The following SYBU variants were observed in gnomAD, a reference collection of about 807,000 sequenced individuals.
The protein encoded by SYBU is syntabulin.
A neutral mutation model predicts 35.9 loss-of-function variants in SYBU; 21 were observed. That is an observed-to-expected ratio of 0.58 (90% CI 0.41 to 0.84). The LOEUF (loss-of-function observed/expected upper bound fraction) is 0.84, where lower values mean the gene tolerates loss of function less well. Among genes scored for constraint, SYBU ranks in the 40% least tolerant of loss-of-function variants. SYBU has a pLI of 0.00. For missense variants in SYBU, 768 were observed against 848.2 expected (o/e 0.91, Z 1.17); for synonymous variants, 319 against 324.3 (o/e 0.98, Z 0.18).
Position 109,618,405 on chromosome 8 carries a change from C to G in SYBU, c.427+437G>C, listed in dbSNP as rs140151963. On this transcript the variant is annotated intron_variant, in intron 3 of 6. Transcript: ENST00000276646. ...GACTATAACTAAGTTAGCAAGTATG[C>G]CCAGCTCTACATATTTGCATCAAGA... 1.1e-4 allele frequency among the ~76,000 whole-genome samples: 17 copies of G among 152,226 alleles called. No individual in the cohort carries two copies. The East Asian group carries it at 3.1e-3, about 28-fold the overall frequency.
chr8:109,642,921 T>C lies in SYBU; in HGVS notation c.36A>G (p.Arg12=). ...AAATCTCCTTGTCATGATGCTGCAC[T>C]CTGTGCTCCTTCTCAAAATTGGACA... ...GPLRESKKEH[R]VQHHDKEISR... The change falls in exon 2 of 7, where the codon AGA becomes AGG. Residue 12 remains arginine (R), a synonymous_variant. Transcript: ENST00000276646. 2 of 1,506,698 alleles carry C rather than the reference T, an allele frequency of 1.3e-6. No individual in the cohort carries two copies. The highest frequency in any genetic ancestry group is 2.6e-5 in the South Asian group (2 of 76,304). The allele number at this position is 1,506,698 out of a possible 1,614,324, so 93.3% of individuals were successfully genotyped here.
chr8:109,608,622 T>C (rs893639624), intron 3 of SYBU, among the ~76,000 whole-genome samples: 1 of 152,188 alleles, frequency 6.6e-6, no homozygotes, highest in Non-Finnish European at 1.5e-5. Flanking sequence ...TTAGTAAGCT[T>C]CCACCAAAGC....
intron 1 of SYBU, among the ~76,000 whole-genome samples, chr8:109,689,854 A>AAAAAAAAAC (rs1286570525): frequency 7.0e-6 from 1 of 143,400 alleles, no homozygotes; most frequent in African/African-American, 2.6e-5. Context: ...AAAAAAAAAA[A>AAAAAAAAAC]ACCATGACTA....
Position 109,579,906 on chromosome 8 carries a change from G to T in SYBU, c.627C>A (p.Cys209Ter). ...TATTGACAGGGCTCAGCTGATTCCTGCACAGCATGGACAGAAGGTCCTTTT... is the reference window on the plus strand; with the variant it reads ...TATTGACAGGGCTCAGCTGATTCCTTCACAGCATGGACAGAAGGTCCTTTT... ...PREKDLLSML[C>*]RNQLSPVNIH... is the part of the protein sequence containing the mutation. The change falls in exon 5 of 7, where the codon TGC (cysteine) becomes TGA (stop). Residue 209 changes from cysteine to a stop codon, truncating the protein, a stop_gained. Transcript: ENST00000276646. LOFTEE classifies it high-confidence loss of function. 1 of 1,614,030 alleles carries T rather than the reference G, an allele frequency of 6.2e-7. No individual in the cohort carries two copies. The highest frequency in any genetic ancestry group is 2.2e-5 in the East Asian group (1 of 44,846).
At chr8:109,642,658 T>C (rs1815041489) in intron 2 of SYBU, 70 bp downstream of exon 2, 2 of 1,072,196 alleles carry the variant, frequency 1.9e-6, no homozygotes, top group Non-Finnish European at 2.6e-6. Context: ...GGACCCAGTA[T>C]GGGCCCATTC....
chr8:109,648,227 A>G (rs1467645791), upstream of SYBU: 6 of 145,560 alleles, frequency 4.1e-5, no homozygotes, highest in Admixed American at 2.7e-4. Context: ...ACCTTGAAAT[A>G]TTATAAATAA....
At chr8:109,619,076 G>A (rs1250814327) in intron 2 of SYBU, 37 bp from the exon 3 acceptor site, 1 of 1,543,356 alleles carries the variant, frequency 6.5e-7, no homozygotes, top group Non-Finnish European at 8.9e-7. Flanking sequence ...TAATGATGAG[G>A]AGGAAATCAA....
intron 2 of SYBU, among the ~76,000 whole-genome samples, chr8:109,642,005 G>A (rs1044672451): frequency 1.3e-5 from 2 of 152,140 alleles, no homozygotes; most frequent in South Asian, 2.1e-4. Flanking sequence ...ACATGGACAC[G>A]TATGTTTATT....
At chr8:109,651,448 CTTTTTTTTTTTTT>C (rs535652540) in intron 1 of SYBU, among the ~76,000 whole-genome samples, 1,632 of 64,564 alleles carry the variant, frequency 0.025, 31 homozygotes, top group Middle Eastern at 0.12. Flanking sequence ...GAAATTGAGA[CTTTTTTTTTTTTT>C]TTTTTTTTTT....
At chr8:109,649,624 C>T (rs1586953086), upstream of SYBU, among the ~76,000 whole-genome samples, 3 of 152,298 alleles carry the variant, frequency 2.0e-5, no homozygotes, top group South Asian at 6.2e-4. Context: ...AGGGTCTAAT[C>T]CTCTGATGCC....
At chr8:109,690,625 C>T (rs1321295355) in intron 1 of SYBU, among the ~76,000 whole-genome samples, 2 of 152,172 alleles carry the variant, frequency 1.3e-5, no homozygotes, top group Admixed American at 6.5e-5. Context: ...TCCCCAGTAG[C>T]TTCTTTCATT....
At chr8:109,590,818 GAAAGAA>G (rs1357863250) in intron 3 of SYBU, among the ~76,000 whole-genome samples, 1 of 148,780 alleles carries the variant, frequency 6.7e-6, no homozygotes, top group Middle Eastern at 3.2e-3. Flanking sequence ...TTAGGCAGAT[GAAAGAA>G]AAAGAAAAAC....
At chr8:109,684,250 T>C (rs1440160119), upstream of SYBU, among the ~76,000 whole-genome samples, 1 of 152,210 alleles carries the variant, frequency 6.6e-6, no homozygotes, top group Non-Finnish European at 1.5e-5. Flanking sequence ...GATGCAAATT[T>C]AAGAATGATA....
At chr8:109,670,247 A>AT (rs990983582) in intron 1 of SYBU, among the ~76,000 whole-genome samples, 14 of 151,654 alleles carry the variant, frequency 9.2e-5, no homozygotes, top group South Asian at 2.1e-4. Context: ...CTTTTTTTAA[A>AT]TTTTTTTTTA....
At chr8:109,578,167 T>C in intron 5 of SYBU, 150 bp from the exon 6 acceptor site, 1 of 873,450 alleles carries the variant, frequency 1.1e-6, no homozygotes, top group Non-Finnish European at 1.7e-6. Context: ...TATTAGGTGG[T>C]GACGACTTTG....
intron 2 of SYBU, among the ~76,000 whole-genome samples, chr8:109,620,321 T>C (rs1812278899): frequency 6.6e-6 from 1 of 152,210 alleles, no homozygotes; most frequent in Non-Finnish European, 1.5e-5. Context: ...TAATAACTTT[T>C]CAGACATCTT....
At chr8:109,623,136 A>G (rs879005220) in intron 2 of SYBU, among the ~76,000 whole-genome samples, 1 of 152,312 alleles carries the variant, frequency 6.6e-6, no homozygotes, top group South Asian at 2.1e-4. Flanking sequence ...AAAACATGGG[A>G]TCACTTTACA....
chr8:109,580,645 G>A (rs1233508564), intron 4 of SYBU: 1 of 152,772 alleles, frequency 6.5e-6, no homozygotes, highest in African/African-American at 2.4e-5. Flanking sequence ...CCTGCCTCTT[G>A]CCTTGCTCCC....
chr8:109,618,631 CAT>C (rs771951929), intron 3 of SYBU, among the ~76,000 whole-genome samples: 6 of 152,192 alleles, frequency 3.9e-5, no homozygotes, highest in Non-Finnish European at 8.8e-5. Flanking sequence ...AATGAATACA[CAT>C]GTCACTATAG....
Sources: allele counts gnomAD v4.1 joint callset (sites outside exome capture counted in the v4.1 genomes callset), GRCh38; gene constraint gnomAD v4.1.1; transcripts MANE v1.5; gene names NCBI Gene and HGNC (gene_info 2026-07-23, HGNC 2026-07-21).